LDB2: variants seen among roughly 807,000 people sequenced by gnomAD.
The protein encoded by LDB2 is LIM domain binding 2.
LDB2 carries 12 observed loss-of-function variants against 44.3 expected under a neutral mutation model. The ratio of observed to expected loss-of-function variants is 0.27; its 90% confidence interval spans 0.17 to 0.44. The LOEUF (loss-of-function observed/expected upper bound fraction) is 0.44. Among genes scored for constraint, LDB2 ranks in the 20% least tolerant of loss-of-function variants. The probability of loss-of-function intolerance (pLI) is 1.00; values close to 1 mark genes in which losing one functional copy is unlikely to be tolerated. For missense variants in LDB2, 344 were observed against 473.5 expected, an observed-to-expected ratio of 0.73 and a Z score of 2.54; for synonymous variants, 164 against 174.8, an observed-to-expected ratio of 0.94 and a Z score of 0.49.
chr4:16,687,057 G>A (rs1439121940), intron 2 of LDB2, among the ~76,000 whole-genome samples: 1 of 149,112 alleles, frequency 6.7e-6, no homozygotes, highest in Non-Finnish European at 1.5e-5. Context: ...AGTGAAATAT[G>A]GGGTGAAAAA....
At chr4:16,505,331 A>G (rs1017976679) in intron 7 of LDB2, among the ~76,000 whole-genome samples, 1 of 151,694 alleles carries the variant, frequency 6.6e-6, no homozygotes, top group Admixed American at 6.6e-5. Flanking sequence ...CTAGATACTT[A>G]GTTGTGTGTG....
At chr4:16,867,602 G>T (rs1715130042) in intron 1 of LDB2, among the ~76,000 whole-genome samples, 1 of 152,168 alleles carries the variant, frequency 6.6e-6, no homozygotes. Context: ...AAGGATTCCA[G>T]GAGATATAGC....
intron 2 of LDB2, among the ~76,000 whole-genome samples, chr4:16,731,409 T>C (rs1163131984): frequency 6.6e-6 from 1 of 152,140 alleles, no homozygotes; most frequent in African/African-American, 2.4e-5. Flanking sequence ...GCCTTTGGGA[T>C]GTTAGAAGAG....
rs11946182 is a variant in LDB2 at position 16,546,357 on chromosome 4, C to T, written c.616-34253G>A. On this transcript the variant is annotated intron_variant, in intron 5 of 7. Coordinates refer to ENST00000304523, the MANE Select transcript of LDB2 (RefSeq NM_001290.5). ...TGAATTGGCCCCCTACCACGTAAAA[C>T]TAATTTAAAGGAAATGGAAAGTCAA... 1.9e-3 allele frequency among the ~76,000 whole-genome samples: 284 copies of T among 152,286 alleles called. 3 individuals are homozygous for T. Among genetic ancestry groups the T allele is most frequent in the African/African-American group, 6.3e-3 (263 of 41,564 alleles).
chr4:16,730,913 C>G (rs1400986024), intron 2 of LDB2, among the ~76,000 whole-genome samples: 1 of 152,198 alleles, frequency 6.6e-6, no homozygotes, highest in Non-Finnish European at 1.5e-5. Context: ...TCTTATCCCC[C>G]TTGACTGTCA....
chr4:16,885,031 A>T (rs566511012), intron 1 of LDB2, among the ~76,000 whole-genome samples: 1 of 152,236 alleles, frequency 6.6e-6, no homozygotes, highest in African/African-American at 2.4e-5. Flanking sequence ...CTAGAAGCAT[A>T]CGTGTATGAG....
chr4:16,874,592 A>G (rs1717806717), intron 1 of LDB2, among the ~76,000 whole-genome samples: 1 of 152,232 alleles, frequency 6.6e-6, no homozygotes, highest in African/African-American at 2.4e-5. Context: ...GAGAGTGCGC[A>G]TCCAACAAGA....
At chr4:16,897,403 C>T (rs1056551830) in intron 1 of LDB2, among the ~76,000 whole-genome samples, 1 of 152,152 alleles carries the variant, frequency 6.6e-6, no homozygotes, top group African/African-American at 2.4e-5. Context: ...CACAAAGCCC[C>T]AACTTACAGG....
At chr4:16,515,676 A>C (rs1011817740) in intron 5 of LDB2, among the ~76,000 whole-genome samples, 1 of 152,166 alleles carries the variant, frequency 6.6e-6, no homozygotes, top group Non-Finnish European at 1.5e-5. Flanking sequence ...TATTTTTTTT[A>C]GTATTTAAAA....
chr4:16,634,996 A>G (rs375448417), intron 2 of LDB2, among the ~76,000 whole-genome samples: 4 of 152,198 alleles, frequency 2.6e-5, no homozygotes. Context: ...TTGCAGGGAC[A>G]TGGATGAAGC....
intron 1 of LDB2, among the ~76,000 whole-genome samples, chr4:16,778,351 G>C (rs748101211): frequency 6.6e-6 from 1 of 151,976 alleles, no homozygotes; most frequent in Non-Finnish European, 1.5e-5. Context: ...TCATGTCTAC[G>C]AAACTCCTCT....
chr4:16,838,761 C>T (rs1021029226), intron 1 of LDB2, among the ~76,000 whole-genome samples: 2 of 152,172 alleles, frequency 1.3e-5, no homozygotes, highest in Non-Finnish European at 2.9e-5. Context: ...TCCATTAATA[C>T]TAATAAATGA....
At chr4:16,669,223 A>T (rs1331235853) in intron 2 of LDB2, among the ~76,000 whole-genome samples, 1 of 152,228 alleles carries the variant, frequency 6.6e-6, no homozygotes, top group Non-Finnish European at 1.5e-5. Flanking sequence ...CCATGACCTC[A>T]TAGTCAAGAG....
intron 1 of LDB2, among the ~76,000 whole-genome samples, chr4:16,830,745 G>A (rs1422401865): frequency 6.6e-6 from 1 of 152,232 alleles, no homozygotes; most frequent in African/African-American, 2.4e-5. Context: ...CCAAATGGAG[G>A]TGATTCTGCA....
At chr4:16,654,482 C>T (rs989036193) in intron 2 of LDB2, among the ~76,000 whole-genome samples, 3 of 152,084 alleles carry the variant, frequency 2.0e-5, no homozygotes, top group African/African-American at 7.2e-5. Context: ...AGAAGCAGGT[C>T]GGTGCATGAA....
chr4:16,789,383 G>A (rs528252521), intron 1 of LDB2, among the ~76,000 whole-genome samples: 2 of 152,186 alleles, frequency 1.3e-5, no homozygotes, highest in South Asian at 4.1e-4. Flanking sequence ...AAGGTTCCCT[G>A]ACCTCATGAA....
At chr4:16,558,123 G>A (rs1740475268) in intron 5 of LDB2, among the ~76,000 whole-genome samples, 1 of 152,148 alleles carries the variant, frequency 6.6e-6, no homozygotes, top group African/African-American at 2.4e-5. Context: ...GGAAAAAACA[G>A]AGCAGAAAAA....
intron 1 of LDB2, among the ~76,000 whole-genome samples, chr4:16,869,316 A>C (rs780813343): frequency 2.0e-5 from 3 of 151,854 alleles, no homozygotes; most frequent in Non-Finnish European, 4.4e-5. Context: ...AAAAAAAAAA[A>C]AAACTCAGAA....
intron 2 of LDB2, among the ~76,000 whole-genome samples, chr4:16,740,454 C>T (rs959850450): frequency 6.6e-6 from 1 of 152,242 alleles, no homozygotes. Flanking sequence ...GCCCATGGAT[C>T]TATCCCACCA....
Sources: allele counts gnomAD v4.1 joint callset (sites outside exome capture counted in the v4.1 genomes callset), GRCh38; gene constraint gnomAD v4.1.1; transcripts MANE v1.5; gene names NCBI Gene and HGNC (gene_info 2026-07-23, HGNC 2026-07-21).